Variants in PAX9 observed in about 807,000 individuals in gnomAD.
The protein encoded by PAX9 is paired box 9, also known as paired box protein Pax-9.
A neutral mutation model predicts 29.1 loss-of-function variants in PAX9; 6 were observed. The ratio of observed to expected loss-of-function variants is 0.21; its 90% CI spans 0.11 to 0.41. PAX9 has a LOEUF of 0.41. Among genes scored for constraint, PAX9 ranks in the 10% least tolerant of loss-of-function variants. The pLI is 1.00. For synonymous variants in PAX9, 217 were observed against 211.7 expected (o/e 1.03, Z -0.22); for missense variants, 443 against 479.1 (o/e 0.92, Z 0.70).
chr14:36,672,359 G>T (rs1358287792), intron 3 of PAX9, among the ~76,000 whole-genome samples: 1 of 152,128 alleles, frequency 6.6e-6, no homozygotes, highest in Non-Finnish European at 1.5e-5. Flanking sequence ...ACATTAAACC[G>T]ATTTGGGACG....
Position 36,666,463 on chromosome 14 carries a change from G to C in PAX9, c.633G>C (p.Val211=), listed in dbSNP as rs987238917. 4 of 1,610,692 alleles carry C rather than the reference G, an allele frequency of 2.5e-6. No individual in the cohort carries two copies. The highest frequency in any genetic ancestry group is 1.3e-5 in the African/African-American group (1 of 74,842). The change falls in exon 3 of 4, where the codon GTG becomes GTC. Residue 211 remains valine (V), a splice_region_variant and synonymous_variant. Transcript: ENST00000361487. ...GACACCCTCTCTTCTCTCCATCAGT[G>C]AGCGACAGCTCCCCCTACCACAGCC... ...ILGIRSITDQ[V]SDSSPYHSPK...
intron 3 of PAX9, among the ~76,000 whole-genome samples, chr14:36,670,880 ATAAG>A (rs1416184623): frequency 4.6e-5 from 7 of 152,102 alleles, no homozygotes; most frequent in Admixed American, 6.5e-5. Flanking sequence ...CTACAATATG[ATAAG>A]TAAGCATAAT....
intron 3 of PAX9, among the ~76,000 whole-genome samples, chr14:36,666,886 A>G (rs569411922): frequency 6.6e-6 from 1 of 152,140 alleles, no homozygotes; most frequent in South Asian, 2.1e-4. Flanking sequence ...AAGCGCCTCC[A>G]GGCCTGTCGG....
At chr14:36,666,828 A>C (rs1055607493) in intron 3 of PAX9, among the ~76,000 whole-genome samples, 1 of 152,180 alleles carries the variant, frequency 6.6e-6, no homozygotes, top group Non-Finnish European at 1.5e-5. Flanking sequence ...AGCGCTCGTC[A>C]GGGCGCTGGG....
At chr14:36,658,978 C>G (rs927194916), upstream of PAX9, among the ~76,000 whole-genome samples, 4 of 152,224 alleles carry the variant, frequency 2.6e-5, no homozygotes, top group African/African-American at 9.6e-5. Context: ...AGTGTAGCCC[C>G]CTCCTTCACA....
intron 3 of PAX9, among the ~76,000 whole-genome samples, chr14:36,673,626 A>T (rs1367719107): frequency 6.6e-6 from 1 of 152,206 alleles, no homozygotes; most frequent in African/African-American, 2.4e-5. Context: ...TTCCAAGGGC[A>T]AAGGTGTAAG....
At chr14:36,674,122 C>A (rs1283166066) in intron 3 of PAX9, among the ~76,000 whole-genome samples, 1 of 152,160 alleles carries the variant, frequency 6.6e-6, no homozygotes, top group East Asian at 1.9e-4. Flanking sequence ...TTTGATAGTT[C>A]TCTATCTTGA....
intron 3 of PAX9, among the ~76,000 whole-genome samples, chr14:36,668,563 G>A (rs993096841): frequency 6.6e-6 from 1 of 151,830 alleles, no homozygotes; most frequent in Non-Finnish European, 1.5e-5. Flanking sequence ...TAATTTTTGT[G>A]TTTTTAGTAG....
intron 3 of PAX9, among the ~76,000 whole-genome samples, chr14:36,675,312 G>C (rs1045338096): frequency 6.6e-6 from 1 of 152,160 alleles, no homozygotes; most frequent in Non-Finnish European, 1.5e-5. Context: ...TAATAGTAAC[G>C]ATACCAACAA....
intron 3 of PAX9, among the ~76,000 whole-genome samples, chr14:36,669,387 G>A (rs530338731): frequency 6.6e-6 from 1 of 152,074 alleles, no homozygotes; most frequent in South Asian, 2.1e-4. Context: ...CTGGTAACAC[G>A]TATTTTTCCC....
chr14:36,659,971 T>G (rs1566463945), upstream of PAX9, among the ~76,000 whole-genome samples: 1 of 152,126 alleles, frequency 6.6e-6, no homozygotes, highest in African/African-American at 2.4e-5. Flanking sequence ...CTAGCAGCCC[T>G]GCAGACTGCA....
chr14:36,673,632 G>A (rs1881777420), intron 3 of PAX9, among the ~76,000 whole-genome samples: 1 of 152,138 alleles, frequency 6.6e-6, no homozygotes, highest in Non-Finnish European at 1.5e-5. Flanking sequence ...GGGCAAAGGT[G>A]TAAGAAAAGG....
chr14:36,665,121 T>C (rs1273678667), intron 2 of PAX9, among the ~76,000 whole-genome samples: 1 of 129,814 alleles, frequency 7.7e-6, no homozygotes, highest in Non-Finnish European at 1.5e-5. Context: ...CTGGTGCAAA[T>C]GGGACTCAAT....
At chr14:36,670,687 A>T (rs1024697733) in intron 3 of PAX9, among the ~76,000 whole-genome samples, 2 of 152,102 alleles carry the variant, frequency 1.3e-5, no homozygotes, top group Non-Finnish European at 2.9e-5. Flanking sequence ...GTTACATTTT[A>T]ACCAGTAGTA....
At chr14:36,668,759 T>G (rs1284431876) in intron 3 of PAX9, among the ~76,000 whole-genome samples, 1 of 130,084 alleles carries the variant, frequency 7.7e-6, no homozygotes, top group East Asian at 1.9e-4. Flanking sequence ...TAATTTATAA[T>G]ACACTTCAAA....
In PAX9 at chr14:36,666,544, G is replaced by A; in HGVS notation, c.714G>A (p.Pro238=). The A allele has an allele frequency of 6.3e-7, 1 of 1,589,576 alleles. No homozygotes were observed. Among genetic ancestry groups the A allele is most frequent in the Non-Finnish European group, 8.6e-7 (1 of 1,168,042 alleles). Residue 238 remains proline, a synonymous_variant, in exon 3 of 4, where the codon CCG becomes CCA. Transcript: ENST00000361487. ...LGRNNFPAAA[P]HAVNGLEKGA... ...GCAACAACTTCCCCGCCGCCGCCCC[G>A]CACGCGGTGAACGGGTTGGAGAAGG...
chr14:36,659,214 A>C (rs1281812890), upstream of PAX9, among the ~76,000 whole-genome samples: 2 of 152,208 alleles, frequency 1.3e-5, no homozygotes. Flanking sequence ...GAGCAGTGTA[A>C]CCAGGCGGCA....
chr14:36,657,582 C>G (rs1159594234), upstream of PAX9: 1 of 152,228 alleles, frequency 6.6e-6, no homozygotes, highest in Non-Finnish European at 1.5e-5. Context: ...CCCCTGCTCT[C>G]GCAAGGAGAA....
rs17104895 is a variant in PAX9 at position 36,662,815 on chromosome 14, G to A, written c.5-82G>A. ...GGACGGGTGCGTTCGCCCAGTCCCC[G>A]GATGCGTAGGGAGGCCCAGTGGCAG... On this transcript the variant is annotated intron_variant, in intron 1 of 3. Transcript: ENST00000361487. 54,569 of 1,535,116 alleles carry A rather than the reference G, an allele frequency of 0.036. 1,053 individuals carry two copies. The highest frequency in any genetic ancestry group is 0.062 in the African/African-American group (4,600 of 73,688).
Sources: allele counts gnomAD v4.1 joint callset (sites outside exome capture counted in the v4.1 genomes callset), GRCh38; gene constraint gnomAD v4.1.1; transcripts MANE v1.5; gene names NCBI Gene and HGNC (gene_info 2026-07-23, HGNC 2026-07-21).